Variants in EIF4H observed in about 807,000 individuals in gnomAD.
EIF4H encodes the protein Williams-Beuren syndrome chromosome region 1.
In EIF4H, 8 loss-of-function variants were observed where a neutral mutation model predicts 30.6. The observed-to-expected ratio is 0.26, with a 90% CI of 0.15 to 0.47. The LOEUF (loss-of-function observed/expected upper bound fraction) is 0.47. EIF4H is among the 20% of genes least tolerant of loss of function. The pLI is 0.99. For synonymous variants in EIF4H, 106 were observed against 122.7 expected, an observed-to-expected ratio of 0.86 and a Z score of 0.90; for missense variants, 188 against 339.5, an observed-to-expected ratio of 0.55 and a Z score of 3.51.
chr7:74,189,526 T>C, intron 2 of EIF4H, 147 bp from the exon 3 acceptor site: 1 of 785,210 alleles, frequency 1.3e-6, no homozygotes, highest in Non-Finnish European at 2.0e-6. Flanking sequence ...CCAGTCAGGG[T>C]TCTATCTATT....
chr7:74,179,819 A>G (rs1554708182), intron 1 of EIF4H, among the ~76,000 whole-genome samples: 1 of 152,132 alleles, frequency 6.6e-6, no homozygotes, highest in Non-Finnish European at 1.5e-5. Flanking sequence ...AGCTGTTAGA[A>G]AAGTCTCTGA....
At chr7:74,187,867 A>G (rs1801124414) in intron 2 of EIF4H, 69 bp downstream of exon 2, 1 of 1,433,062 alleles carries the variant, frequency 7.0e-7, no homozygotes, top group Admixed American at 2.4e-5. Context: ...GGTTCTAAAT[A>G]AAAATAGATT....
intron 1 of EIF4H, among the ~76,000 whole-genome samples, chr7:74,175,700 G>A (rs1554707548): frequency 6.6e-6 from 1 of 150,924 alleles, no homozygotes; most frequent in Non-Finnish European, 1.5e-5. Context: ...TTGTTCTCAA[G>A]TCATTTCGAA....
Position 74,190,281 on chromosome 7 carries a change from G to A in EIF4H, c.444G>A (p.Trp148Ter). Residue 148 changes from tryptophan (W) to a stop codon, truncating the protein, a stop_gained, in exon 5 of 7, where the codon TGG becomes TGA. Coordinates refer to ENST00000265753, the MANE Select transcript of EIF4H (RefSeq NM_022170.2). LOFTEE classifies it high-confidence loss of function. ...MGSSRESRGG[W>*]DSRDDFNSGF... ...GCTCTCGAGAATCTAGAGGTGGATG[G>A]GATTCCCGGGATGACTTCAATTCTG... 1 of 1,614,124 alleles carries A rather than the reference G, an allele frequency of 6.2e-7. No individual in the cohort carries two copies. Among genetic ancestry groups the A allele is most frequent in the Non-Finnish European group, 8.5e-7 (1 of 1,180,004 alleles).
chr7:74,190,333 T>G, intron 5 of EIF4H, 27 bp downstream of exon 5: 1 of 1,609,330 alleles, frequency 6.2e-7, no homozygotes, highest in Non-Finnish European at 8.5e-7. Flanking sequence ...TATCACCACT[T>G]AATTTTTCCT....
At chr7:74,191,667 G>T (rs1365307310) in intron 5 of EIF4H, among the ~76,000 whole-genome samples, 1 of 152,112 alleles carries the variant, frequency 6.6e-6, no homozygotes, top group Non-Finnish European at 1.5e-5. Context: ...AAAGTACCAA[G>T]AAAGCAAAAA....
intron 2 of EIF4H, 129 bp downstream of exon 2, chr7:74,187,927 C>CT: frequency 9.0e-7 from 1 of 1,105,726 alleles, no homozygotes. Context: ...TTTGCCTGGT[C>CT]TAAGTGGCCG....
chr7:74,178,434 C>T (rs1391984099), intron 1 of EIF4H, among the ~76,000 whole-genome samples: 5 of 151,750 alleles, frequency 3.3e-5, no homozygotes, highest in African/African-American at 1.2e-4. Context: ...ATCCTAGCTA[C>T]TTGGGAGGCT....
At chr7:74,179,703 G>A (rs1418103435) in intron 1 of EIF4H, among the ~76,000 whole-genome samples, 1 of 151,642 alleles carries the variant, frequency 6.6e-6, no homozygotes, top group African/African-American at 2.4e-5. Flanking sequence ...CATTTGTAAG[G>A]TGTTGGTGAT....
chr7:74,184,873 G>A (rs1801047588), intron 1 of EIF4H, among the ~76,000 whole-genome samples: 1 of 152,080 alleles, frequency 6.6e-6, no homozygotes, highest in African/African-American at 2.4e-5. Context: ...TAGAGACGGA[G>A]TTTTACCATG....
intron 5 of EIF4H, 48 bp downstream of exon 5, chr7:74,190,354 C>T: frequency 6.4e-7 from 1 of 1,572,298 alleles, no homozygotes; most frequent in African/African-American, 1.3e-5. Flanking sequence ...AGGAGCCTTG[C>T]TGCTGTTCTC....
At chr7:74,186,400 A>G (rs1189223728) in intron 1 of EIF4H, among the ~76,000 whole-genome samples, 1 of 152,020 alleles carries the variant, frequency 6.6e-6, no homozygotes, top group Non-Finnish European at 1.5e-5. Context: ...TTTAGTAGAG[A>G]CAGGGTTTTA....
chr7:74,180,013 A>G (rs1480250409), intron 1 of EIF4H, among the ~76,000 whole-genome samples: 1 of 152,080 alleles, frequency 6.6e-6, no homozygotes, highest in Non-Finnish European at 1.5e-5. Context: ...CCCAGTCTGG[A>G]CAATATGTCC....
intron 1 of EIF4H, among the ~76,000 whole-genome samples, chr7:74,178,707 C>T (rs781854213): frequency 2.6e-5 from 4 of 152,214 alleles, no homozygotes; most frequent in Non-Finnish European, 4.4e-5. Context: ...GAGTATTTGT[C>T]GCCTGGTTGC....
intron 5 of EIF4H, among the ~76,000 whole-genome samples, chr7:74,192,581 C>G (rs1801243859): frequency 6.6e-6 from 1 of 151,714 alleles, no homozygotes; most frequent in African/African-American, 2.4e-5. Flanking sequence ...TGCTAGAACA[C>G]TGAATGAGCC....
At position 74,186,788 on chromosome 7, in the gene EIF4H, ATTTTTTTTTT is replaced by A. The variant is rs564794579; in HGVS notation, c.60-780_60-771del. Among the ~76,000 whole-genome samples the A allele has an allele frequency of 6.3e-4, 44 of 70,104 alleles. 9 individuals carry two copies. Among genetic ancestry groups the A allele is most frequent in the South Asian group, 1.7e-3 (3 of 1,778 alleles). 46.0% of individuals were successfully genotyped at this position (70,104 alleles called of 152,430 possible). A position where few individuals can be genotyped will look rare whatever the true frequency, so the allele number is the denominator to read the frequency against. On this transcript the variant is annotated intron_variant, in intron 1 of 6. Coordinates refer to ENST00000265753, the MANE Select transcript of EIF4H (RefSeq NM_022170.2). ...GCCCATAATCAGGCAACAAGGAGAA[ATTTTTTTTTT>A]TTTTTTTTTTTTTTTTTTTTTTTTT...
intron 2 of EIF4H, 77 bp downstream of exon 2, chr7:74,187,875 AT>A: frequency 7.1e-7 from 1 of 1,416,470 alleles, no homozygotes. Context: ...ATAAAAATAG[AT>A]TTGTGAACCA....
Position 74,195,982 on chromosome 7 carries a change from A to G in EIF4H, c.*674A>G, listed in dbSNP as rs1284230954. On this transcript the variant is annotated 3_prime_UTR_variant, in exon 7 of 7. Coordinates refer to ENST00000265753, the MANE Select transcript of EIF4H (RefSeq NM_022170.2). ...CCAAGCAGATAGGCTCACACGAGAAACAGTGAGGCTGAAAGGGGGGGCTAT... is the reference window on the plus strand; with the variant it reads ...CCAAGCAGATAGGCTCACACGAGAAGCAGTGAGGCTGAAAGGGGGGGCTAT... 2 of 152,242 alleles carry G rather than the reference A, an allele frequency of 1.3e-5. No individual in the cohort carries two copies. The highest frequency in any genetic ancestry group is 2.9e-5 in the Non-Finnish European group (2 of 68,070). The allele number at this position is 152,242 out of a possible 1,614,324, so 9.4% of individuals were successfully genotyped here.
chr7:74,177,255 T>C (rs1554707796), intron 1 of EIF4H, among the ~76,000 whole-genome samples: 1 of 152,114 alleles, frequency 6.6e-6, no homozygotes, highest in East Asian at 1.9e-4. Context: ...AGCCTAGGAG[T>C]TTAGAATTCT....
Sources: allele counts gnomAD v4.1 joint callset (sites outside exome capture counted in the v4.1 genomes callset), GRCh38; gene constraint gnomAD v4.1.1; transcripts MANE v1.5; gene names NCBI Gene and HGNC (gene_info 2026-07-23, HGNC 2026-07-21).